The following WDFY3 variants were observed in gnomAD, a reference collection of about 807,000 sequenced individuals.
The protein encoded by WDFY3 is WD repeat and FYVE domain-containing protein 3.
In WDFY3, 66 loss-of-function variants were observed where a neutral mutation model predicts 409.6. The ratio of observed to expected loss-of-function variants is 0.16; its 90% CI spans 0.13 to 0.20. WDFY3 has a LOEUF of 0.20. Ranked by LOEUF, WDFY3 falls within the 10% of genes least tolerant of loss-of-function variation. The pLI is 1.00. For synonymous variants in WDFY3, 1,521 were observed against 1,537.1 expected, an observed-to-expected ratio of 0.99 and a Z score of 0.25; for missense variants, 3,031 against 4,298.1, an observed-to-expected ratio of 0.71 and a Z score of 8.24.
At chr4:84,894,215 A>T (rs902372374) in intron 3 of WDFY3, among the ~76,000 whole-genome samples, 9 of 152,218 alleles carry the variant, frequency 5.9e-5, no homozygotes, top group Non-Finnish European at 1.3e-4. Flanking sequence ...AAATAAATAC[A>T]GCATTATTAC....
intron 2 of WDFY3, among the ~76,000 whole-genome samples, chr4:84,925,491 G>GA (rs1247795978): frequency 1.3e-5 from 2 of 152,016 alleles, no homozygotes; most frequent in African/African-American, 4.8e-5. Context: ...AAGAGAGAAA[G>GA]AAAAAGAGAG....
chr4:84,865,542 C>A (rs1278321681), intron 3 of WDFY3, among the ~76,000 whole-genome samples: 1 of 152,342 alleles, frequency 6.6e-6, no homozygotes, highest in East Asian at 1.9e-4. Flanking sequence ...GGCCTGCCTT[C>A]GGCAAAAATC....
intron 2 of WDFY3, among the ~76,000 whole-genome samples, chr4:84,906,226 G>C (rs2150686555): frequency 6.6e-6 from 1 of 152,240 alleles, no homozygotes; most frequent in South Asian, 2.1e-4. Context: ...AAATTTAAAA[G>C]ATAATTTATG....
In WDFY3 at chr4:84,775,106, A is replaced by T. The variant is rs1283929569; in HGVS notation, c.4551T>A (p.Leu1517=). ...GTTCAATAAAGTGTTCAAATAAGGA[A>T]AGATGAAGTTCATATGGTGCATGGA... ...VWLHAPYELH[L]SLFEHFIELL... Residue 1517 remains leucine, a synonymous_variant, in exon 28 of 68, where the codon CTT becomes CTA. Coordinates refer to ENST00000295888, the MANE Select transcript of WDFY3 (RefSeq NM_014991.6). 6 of 1,613,518 alleles carry T rather than the reference A, an allele frequency of 3.7e-6. No individual in the cohort carries two copies. The Admixed American group carries it at 1.0e-4, about 27-fold the overall frequency.
intron 32 of WDFY3, among the ~76,000 whole-genome samples, chr4:84,763,094 C>A (rs1742984190): frequency 6.6e-6 from 1 of 152,116 alleles, no homozygotes. Context: ...CCTCTCCTCT[C>A]ACATTATTTT....
chr4:84,901,915 T>C (rs969188535), intron 2 of WDFY3, among the ~76,000 whole-genome samples: 2 of 152,216 alleles, frequency 1.3e-5, no homozygotes, highest in Non-Finnish European at 2.9e-5. Flanking sequence ...AAGTCCTGAA[T>C]GCAATATTTC....
chr4:84,891,813 A>G (rs1324319707), intron 3 of WDFY3, among the ~76,000 whole-genome samples: 1 of 152,158 alleles, frequency 6.6e-6, no homozygotes, highest in Non-Finnish European at 1.5e-5. Flanking sequence ...CTACATCTCC[A>G]AAGTCTATGA....
At chr4:84,924,978 G>A (rs1191956278) in intron 2 of WDFY3, among the ~76,000 whole-genome samples, 1 of 152,036 alleles carries the variant, frequency 6.6e-6, no homozygotes, top group African/African-American at 2.4e-5. Context: ...ACCTACAAAA[G>A]GTTTAATGCT....
intron 40 of WDFY3, 141 bp from the exon 41 acceptor site, chr4:84,737,507 G>C: frequency 7.0e-6 from 7 of 1,000,074 alleles, no homozygotes; most frequent in Non-Finnish European, 8.1e-6. Context: ...AGCTCATGTT[G>C]TATCTAGCCC....
At chr4:84,715,173 A>C (rs1342187786) in intron 50 of WDFY3, 125 bp downstream of exon 50, 1 of 563,922 alleles carries the variant, frequency 1.8e-6, no homozygotes, top group East Asian at 2.9e-5. Flanking sequence ...AAAATAATAT[A>C]AATTATTTTC....
rs1281344648 is a variant in WDFY3 at position 84,841,021 on chromosome 4, A to T, written c.414+133T>A. On this transcript the variant is annotated intron_variant, in intron 6 of 67. Coordinates refer to ENST00000295888, the MANE Select transcript of WDFY3 (RefSeq NM_014991.6). Reference sequence around the variant, plus strand: ...TATGAGAAGCATGAAATAATGTTTTAAAAAAGTTAGAAGAATACAAATGAT... The same window carrying T: ...TATGAGAAGCATGAAATAATGTTTTTAAAAAGTTAGAAGAATACAAATGAT... 1.2e-5 allele frequency: 9 copies of T among 775,752 alleles called. No individual in the cohort carries two copies. In the Admixed American group the frequency reaches 1.6e-4, roughly 14 times the overall value. 48.1% of individuals were successfully genotyped at this position (775,752 alleles called of 1,614,324 possible). A position where few individuals can be genotyped will look rare whatever the true frequency, so the allele number is the denominator to read the frequency against.
Position 84,696,174 on chromosome 4 carries a change from C to T in WDFY3, c.8697G>A (p.Glu2899=). Reference sequence around the variant, plus strand: ...GTAGATGGGCACTCACGTAATCACACTCCAAAGCCTGTAATTTCAAACATA... The same window carrying T: ...GTAGATGGGCACTCACGTAATCACATTCCAAAGCCTGTAATTTCAAACATA... ...EFIRVHREAL[E]CDYVSAHLHE... is the part of the protein sequence containing the mutation. The change falls in exon 58 of 68, where the codon GAG becomes GAA. Residue 2899 remains glutamate (E), a synonymous_variant. Coordinates refer to ENST00000295888, the MANE Select transcript of WDFY3 (RefSeq NM_014991.6). 6.2e-7 allele frequency: 1 copy of T among 1,613,896 alleles called. No individual in the cohort carries two copies. Among genetic ancestry groups the T allele is most frequent in the Middle Eastern group, 1.6e-4 (1 of 6,062 alleles).
chr4:84,700,949 A>G (rs570009305), intron 56 of WDFY3, among the ~76,000 whole-genome samples: 2 of 152,286 alleles, frequency 1.3e-5, no homozygotes, highest in Non-Finnish European at 2.9e-5. Context: ...GTCTCTACTA[A>G]AAATTTGAAA....
intron 47 of WDFY3, among the ~76,000 whole-genome samples, chr4:84,720,200 A>G (rs1734617869): frequency 6.6e-6 from 1 of 152,208 alleles, no homozygotes; most frequent in Non-Finnish European, 1.5e-5. Context: ...AAAGAAAGAT[A>G]CTGGAACAAG....
chr4:84,872,844 T>C (rs1762302631), intron 3 of WDFY3, among the ~76,000 whole-genome samples: 1 of 152,068 alleles, frequency 6.6e-6, no homozygotes, highest in Non-Finnish European at 1.5e-5. Flanking sequence ...GACTTACCCT[T>C]GAAATAAAAA....
intron 16 of WDFY3, 67 bp downstream of exon 16, chr4:84,803,223 T>G: frequency 6.8e-7 from 1 of 1,466,608 alleles, no homozygotes; most frequent in Non-Finnish European, 9.1e-7. Context: ...CTAGCTCATA[T>G]AATCATACTC....
At chr4:84,763,008 T>C (rs1001821001) in intron 32 of WDFY3, among the ~76,000 whole-genome samples, 3 of 152,040 alleles carry the variant, frequency 2.0e-5, no homozygotes, top group African/African-American at 7.2e-5. Flanking sequence ...GGTTATTTTA[T>C]ACATTAAATA....
chr4:84,805,413 A>G (rs1751352364), intron 15 of WDFY3, among the ~76,000 whole-genome samples: 1 of 152,188 alleles, frequency 6.6e-6, no homozygotes, highest in Admixed American at 6.5e-5. Flanking sequence ...AACATTGCTG[A>G]TATCTAAAAC....
intron 15 of WDFY3, among the ~76,000 whole-genome samples, chr4:84,804,549 C>T (rs1751196584): frequency 1.3e-5 from 2 of 152,146 alleles, no homozygotes; most frequent in Admixed American, 1.3e-4. Context: ...TGTCCTTTAC[C>T]CATTCATGTT....
Sources: gnomAD v4.1 joint callset for allele counts (sites outside exome capture counted in the v4.1 genomes callset) on GRCh38, gnomAD v4.1.1 for gene constraint, MANE v1.5 for transcripts, NCBI Gene and HGNC (gene_info 2026-07-23, HGNC 2026-07-21) for gene names.